COL25A1: variants seen among roughly 807,000 people sequenced by gnomAD.
COL25A1 encodes the protein collagen type XXV alpha 1 chain.
A neutral mutation model predicts 128.4 loss-of-function variants in COL25A1; 103 were observed. The ratio of observed to expected loss-of-function variants is 0.80; its 90% confidence interval spans 0.68 to 0.94. The LOEUF (loss-of-function observed/expected upper bound fraction) is 0.94. Among genes scored for constraint, COL25A1 ranks in the 40% least tolerant of loss-of-function variants. The pLI is 0.00. For synonymous variants in COL25A1, 279 were observed against 277.2 expected (o/e 1.01, Z -0.06); for missense variants, 745 against 840.0 (o/e 0.89, Z 1.40).
At chr4:109,058,375 G>A (rs967880534) in intron 3 of COL25A1, among the ~76,000 whole-genome samples, 3 of 152,142 alleles carry the variant, frequency 2.0e-5, no homozygotes, top group Non-Finnish European at 4.4e-5. Context: ...TACATGCTAT[G>A]TAACAAGAGT....
In COL25A1 at chr4:109,300,597, C is replaced by A; in HGVS notation, c.353G>T (p.Cys118Phe). Residue 118 changes from cysteine (C) to phenylalanine (F), a missense_variant, in exon 3 of 38, where the codon TGT becomes TTT. Transcript: ENST00000399132. ...TTCCATTTTACCTGCTGGGCAGTTA[C>A]ATTCTGAAGGTGCTTCTCTTGCGAT... ...IRIAREAPSE[C>F]NCPAGPPGKR... 6.2e-7 allele frequency: 1 copy of A among 1,611,096 alleles called. No individual in the cohort carries two copies. Among genetic ancestry groups the A allele is most frequent in the Non-Finnish European group, 8.5e-7 (1 of 1,177,272 alleles).
intron 3 of COL25A1, among the ~76,000 whole-genome samples, chr4:109,162,184 G>A (rs1161794754): frequency 4.6e-5 from 7 of 152,316 alleles, no homozygotes; most frequent in South Asian, 2.1e-4. Context: ...AAGGCTTCCC[G>A]TAGAAGGTTT....
chr4:108,978,449 A>G (rs1400351979), intron 6 of COL25A1, among the ~76,000 whole-genome samples: 1 of 152,274 alleles, frequency 6.6e-6, no homozygotes, highest in East Asian at 1.9e-4. Flanking sequence ...TCCAAAATTT[A>G]GAAGCCATAC....
At chr4:108,883,924 GAAGGGACATTTACATTT>G (rs907950335) in intron 19 of COL25A1, among the ~76,000 whole-genome samples, 1 of 152,150 alleles carries the variant, frequency 6.6e-6, no homozygotes, top group African/African-American at 2.4e-5. Flanking sequence ...GACTTCAAAT[GAAGGGACATTTACATTT>G]ATTTAAGGGG....
chr4:109,017,682 AT>A (rs1579098835), intron 5 of COL25A1, among the ~76,000 whole-genome samples: 1 of 152,342 alleles, frequency 6.6e-6, no homozygotes, highest in East Asian at 1.9e-4. Flanking sequence ...TTAAAGTATA[AT>A]ATTATTTTGA....
chr4:108,833,660 A>G (rs1036190243), intron 31 of COL25A1, among the ~76,000 whole-genome samples: 2 of 152,158 alleles, frequency 1.3e-5, no homozygotes, highest in African/African-American at 4.8e-5. Flanking sequence ...ATTCTGGTTT[A>G]TTCTGTGAGA....
chr4:109,135,829 T>A (rs1013904601), intron 3 of COL25A1, among the ~76,000 whole-genome samples: 2 of 152,230 alleles, frequency 1.3e-5, no homozygotes, highest in African/African-American at 4.8e-5. Flanking sequence ...TAAAATGTAT[T>A]GAGAGGAACT....
intron 3 of COL25A1, among the ~76,000 whole-genome samples, chr4:109,282,785 C>T (rs545067443): frequency 1.3e-5 from 2 of 152,218 alleles, no homozygotes; most frequent in Admixed American, 1.3e-4. Flanking sequence ...TCAACATGCA[C>T]GCAGATATAT....
intron 3 of COL25A1, among the ~76,000 whole-genome samples, chr4:109,127,582 C>G (rs1488783816): frequency 6.6e-6 from 1 of 152,068 alleles, no homozygotes; most frequent in Non-Finnish European, 1.5e-5. Context: ...CCCACCTTAG[C>G]TTCCCAAAGT....
In COL25A1 at chr4:108,860,923, T is replaced by A; in HGVS notation, c.1242+4A>T. The A allele has an allele frequency of 1.2e-6, 2 of 1,613,508 alleles. No individual in the cohort carries two copies. The highest frequency in any genetic ancestry group is 2.2e-5 in the South Asian group (2 of 91,060). ...AAGTTTAGATGGATGAGAGGAACAC[T>A]CACCCTTGGTCCCTGAGCTCCAGAG... On this transcript the variant is annotated splice_donor_region_variant and intron_variant, in intron 23 of 37. Transcript: ENST00000399132.
chr4:109,261,624 C>T (rs1381480929), intron 3 of COL25A1, among the ~76,000 whole-genome samples: 2 of 152,030 alleles, frequency 1.3e-5, no homozygotes, highest in Admixed American at 1.3e-4. Context: ...ATGGTGCTCC[C>T]ATAGCAGATT....
intron 3 of COL25A1, among the ~76,000 whole-genome samples, chr4:109,249,980 T>A (rs1049153180): frequency 6.6e-6 from 1 of 152,150 alleles, no homozygotes; most frequent in Non-Finnish European, 1.5e-5. Context: ...ACTGACTAAG[T>A]AAATGAAAGA....
intron 16 of COL25A1, among the ~76,000 whole-genome samples, chr4:108,895,430 A>G (rs1487125192): frequency 2.6e-5 from 4 of 152,180 alleles, no homozygotes. Flanking sequence ...AACACATAGC[A>G]CAAGTGAAGT....
intron 26 of COL25A1, 23 bp downstream of exon 26, chr4:108,852,213 G>T (rs371619546): frequency 7.4e-5 from 118 of 1,590,236 alleles, no homozygotes; most frequent in Non-Finnish European, 1.0e-4. Context: ...GTGATAAATG[G>T]AAACAAGTAA....
intron 3 of COL25A1, among the ~76,000 whole-genome samples, chr4:109,251,459 T>G (rs1433635098): frequency 6.6e-6 from 1 of 152,188 alleles, no homozygotes; most frequent in South Asian, 2.1e-4. Context: ...AGAGACACGC[T>G]AGGAGATCCC....
intron 5 of COL25A1, among the ~76,000 whole-genome samples, chr4:109,011,698 T>G (rs1756606657): frequency 6.6e-6 from 1 of 152,192 alleles, no homozygotes; most frequent in Admixed American, 6.5e-5. Flanking sequence ...AAATCTGATT[T>G]TAAGGTTTAT....
At chr4:109,088,490 A>G (rs566368215) in intron 3 of COL25A1, among the ~76,000 whole-genome samples, 6 of 152,342 alleles carry the variant, frequency 3.9e-5, no homozygotes, top group African/African-American at 1.4e-4. Context: ...CTGTACTAAA[A>G]TGGTTGATGT....
At chr4:109,073,150 G>A (rs1056894665) in intron 3 of COL25A1, among the ~76,000 whole-genome samples, 2 of 152,100 alleles carry the variant, frequency 1.3e-5, no homozygotes, top group Admixed American at 6.5e-5. Flanking sequence ...TGTGTGTGGG[G>A]GAGGGGCGCA....
At chr4:108,929,830 A>T (rs1746519630) in intron 11 of COL25A1, among the ~76,000 whole-genome samples, 1 of 152,288 alleles carries the variant, frequency 6.6e-6, no homozygotes, top group African/African-American at 2.4e-5. Context: ...TGTCTCTAAA[A>T]CAACAAAACA....
Sources: gnomAD v4.1 joint callset for allele counts (sites outside exome capture counted in the v4.1 genomes callset) on GRCh38, gnomAD v4.1.1 for gene constraint, MANE v1.5 for transcripts, NCBI Gene and HGNC (gene_info 2026-07-23, HGNC 2026-07-21) for gene names.